KIFAP3: variants seen among roughly 807,000 people sequenced by gnomAD.
The protein encoded by KIFAP3 is kinesin associated protein 3, also known as kinesin-associated protein 3.
A neutral mutation model predicts 106.5 loss-of-function variants in KIFAP3; 68 were observed. The ratio of observed to expected loss-of-function variants is 0.64; its 90% confidence interval spans 0.53 to 0.78. The LOEUF (loss-of-function observed/expected upper bound fraction) is 0.78. Ranked by LOEUF, KIFAP3 falls within the 30% of genes least tolerant of loss-of-function variation. The pLI is 0.00. For synonymous variants in KIFAP3, 320 were observed against 311.5 expected (o/e 1.03, Z -0.29); for missense variants, 780 against 941.8 (o/e 0.83, Z 2.25).
At chr1:169,973,100 A>AGT (rs199766640) in intron 16 of KIFAP3, among the ~76,000 whole-genome samples, 336 of 14,484 alleles carry the variant, frequency 0.023, 21 homozygotes, top group East Asian at 0.076. Flanking sequence ...TTTAAAAAAT[A>AGT]GTGTGTATAT....
rs1263096721 is a variant in KIFAP3 at position 169,978,137 on chromosome 1, G to A, written c.1845C>T (p.Phe615=). Residue 615 remains phenylalanine, a synonymous_variant, in exon 16 of 20, where the codon TTC becomes TTT. Coordinates refer to ENST00000361580, the MANE Select transcript of KIFAP3 (RefSeq NM_014970.4). The part of the protein sequence containing the change: ...DEFVCQIIYV[F]YQMVFHQATR... ...TGGCTTGGTGGAAAACCATCTGGTAGAAGACATAAATTATCTGACACACAA... is the reference window on the plus strand; with the variant it reads ...TGGCTTGGTGGAAAACCATCTGGTAAAAGACATAAATTATCTGACACACAA... 1 of 1,612,562 alleles carries A rather than the reference G, an allele frequency of 6.2e-7. No homozygotes were observed. The highest frequency in any genetic ancestry group is 1.7e-5 in the Admixed American group (1 of 59,966).
intron 17 of KIFAP3, among the ~76,000 whole-genome samples, chr1:169,970,849 G>A (rs1369989373): frequency 2.0e-5 from 3 of 151,938 alleles, no homozygotes; most frequent in Non-Finnish European, 4.4e-5. Context: ...AATTTTCATA[G>A]GTTTAAAGTG....
At chr1:169,977,957 G>A (rs1410306020) in intron 16 of KIFAP3, 128 bp downstream of exon 16, 5 of 672,664 alleles carry the variant, frequency 7.4e-6, no homozygotes, top group South Asian at 1.7e-5. Context: ...AGGTTATCTT[G>A]TAAATTTATC....
chr1:170,042,141 C>G (rs1164816720), intron 3 of KIFAP3, among the ~76,000 whole-genome samples: 1 of 152,152 alleles, frequency 6.6e-6, no homozygotes, highest in Non-Finnish European at 1.5e-5. Context: ...CTTTGTTATG[C>G]GTATATTGTA....
At chr1:169,999,830 C>T (rs541394805) in intron 10 of KIFAP3, among the ~76,000 whole-genome samples, 1 of 152,238 alleles carries the variant, frequency 6.6e-6, no homozygotes, top group East Asian at 1.9e-4. Context: ...ACTCCAGTAA[C>T]TGATTTTGTG....
chr1:169,951,125 T>C (rs1664707497), intron 19 of KIFAP3, among the ~76,000 whole-genome samples: 1 of 151,944 alleles, frequency 6.6e-6, no homozygotes, highest in Admixed American at 6.6e-5. Context: ...AATCCGTCTG[T>C]GGCTCTGCTG....
rs1280335071 is a variant in KIFAP3 at position 170,074,431 on chromosome 1, G to A, written c.32+5C>T. On this transcript the variant is annotated splice_donor_5th_base_variant and intron_variant, in intron 1 of 19. Transcript: ENST00000361580. Reference sequence around the variant, plus strand: ...GGGTAGGACAGAGCCTTGGGGAGTCGTCACCTTTTGAGGTATCTGGCGTCC... The same window carrying A: ...GGGTAGGACAGAGCCTTGGGGAGTCATCACCTTTTGAGGTATCTGGCGTCC... 6.2e-7 allele frequency: 1 copy of A among 1,613,768 alleles called. No homozygotes were observed. The highest frequency in any genetic ancestry group is 8.5e-7 in the Non-Finnish European group (1 of 1,179,918).
At chr1:170,058,893 C>G (rs2102134062) in intron 1 of KIFAP3, among the ~76,000 whole-genome samples, 1 of 152,024 alleles carries the variant, frequency 6.6e-6, no homozygotes, top group Non-Finnish European at 1.5e-5. Context: ...ATGAAAACGT[C>G]TCAGGTTAAC....
chr1:169,982,291 A>AG (rs565658000), intron 14 of KIFAP3, among the ~76,000 whole-genome samples, 194 bp from the exon 15 acceptor site: 121 of 152,262 alleles, frequency 7.9e-4, no homozygotes, highest in Non-Finnish European at 1.4e-3. Context: ...TAGTGGGGGC[A>AG]GGGGGCAGTA....
intron 3 of KIFAP3, among the ~76,000 whole-genome samples, chr1:170,046,210 C>CAAAAAAAAAAAAAAA (rs60580320): frequency 1.2e-4 from 7 of 56,920 alleles, no homozygotes; most frequent in Admixed American, 2.7e-4. Flanking sequence ...TTCTCTGCTG[C>CAAAAAAAAAAAAAAA]AAAAAAAAAA....
intron 16 of KIFAP3, among the ~76,000 whole-genome samples, chr1:169,974,161 G>C (rs924884719): frequency 6.6e-6 from 1 of 151,828 alleles, no homozygotes; most frequent in Non-Finnish European, 1.5e-5. Context: ...TCACAAATAA[G>C]TAAGACAGAA....
upstream of KIFAP3, among the ~76,000 whole-genome samples, chr1:170,075,913 A>AT (rs1448870987): frequency 6.6e-6 from 1 of 152,138 alleles, no homozygotes; most frequent in African/African-American, 2.4e-5. Context: ...TGGACTTCCT[A>AT]TTTTTTGTTT....
In KIFAP3 at chr1:169,982,853, G is replaced by A; in HGVS notation, c.1521C>T (p.Asp507=). 1.9e-6 allele frequency: 3 copies of A among 1,569,044 alleles called. No homozygotes were observed. The highest frequency in any genetic ancestry group is 2.6e-6 in the Non-Finnish European group (3 of 1,153,614). ...TKNLFIDYVG[D]LAAQISNDEE... is the part of the protein sequence containing the mutation. ...CATCATTAGAGATCTGGGCTGCAAG[G>A]TCCCCAACATAATCCTGAATAAAAC... The change falls in exon 14 of 20, where the codon GAC becomes GAT. Residue 507 remains aspartate, a synonymous_variant. Coordinates refer to ENST00000361580, the MANE Select transcript of KIFAP3 (RefSeq NM_014970.4).
At chr1:169,992,372 G>GA in intron 10 of KIFAP3, 117 bp from the exon 11 acceptor site, 1 of 451,960 alleles carries the variant, frequency 2.2e-6, no homozygotes, top group South Asian at 9.7e-5. Context: ...AACTTAATCT[G>GA]AAAAATATTT....
At chr1:170,083,524 C>T (rs1000584899) in intron 1 of KIFAP3, among the ~76,000 whole-genome samples, 36 of 152,158 alleles carry the variant, frequency 2.4e-4, no homozygotes, top group African/African-American at 8.2e-4. Context: ...GTTCAATTTT[C>T]TCATCTGTAA....
intron 10 of KIFAP3, 41 bp from the exon 11 acceptor site, chr1:169,992,296 AT>A (rs201517146): frequency 4.8e-6 from 5 of 1,036,964 alleles, no homozygotes; most frequent in East Asian, 2.7e-5. Flanking sequence ...ATAAATATAT[AT>A]TTTTTATATA....
chr1:169,985,565 G>T (rs1160125369), intron 11 of KIFAP3, among the ~76,000 whole-genome samples: 5 of 151,782 alleles, frequency 3.3e-5, no homozygotes, highest in Non-Finnish European at 7.4e-5. Flanking sequence ...TAGTAATTTT[G>T]GTTTTAGATA....
intron 10 of KIFAP3, among the ~76,000 whole-genome samples, chr1:170,011,570 A>G (rs1298334418): frequency 6.6e-6 from 1 of 151,894 alleles, no homozygotes; most frequent in Non-Finnish European, 1.5e-5. Flanking sequence ...TACACATTAC[A>G]TACACATGTG....
chr1:170,049,933 C>T (rs1333556250), intron 2 of KIFAP3, among the ~76,000 whole-genome samples: 1 of 152,070 alleles, frequency 6.6e-6, no homozygotes, highest in African/African-American at 2.4e-5. Flanking sequence ...AATACCTCTT[C>T]TCCTCCAAAT....
Sources: allele counts gnomAD v4.1 joint callset (sites outside exome capture counted in the v4.1 genomes callset), GRCh38; gene constraint gnomAD v4.1.1; transcripts MANE v1.5; gene names NCBI Gene and HGNC (gene_info 2026-07-23, HGNC 2026-07-21).